PAPPA2: variants seen among roughly 807,000 people sequenced by gnomAD.
PAPPA2 encodes pappalysin-2.
PAPPA2 carries 86 observed loss-of-function variants against 176.4 expected under a neutral mutation model. The ratio of observed to expected loss-of-function variants is 0.49; its 90% CI spans 0.41 to 0.58. The LOEUF (loss-of-function observed/expected upper bound fraction) is 0.58, where lower values mean the gene tolerates loss of function less well. PAPPA2 is among the 20% of genes least tolerant of loss of function. The probability of loss-of-function intolerance (pLI) is 0.00; values close to 1 mark genes in which losing one functional copy is unlikely to be tolerated. For synonymous variants in PAPPA2, 809 were observed against 852.2 expected (o/e 0.95, Z 0.88); for missense variants, 2,073 against 2,256.9 (o/e 0.92, Z 1.65).
chr1:176,791,510 A>T, intron 19 of PAPPA2, 28 bp downstream of exon 19: 2 of 1,589,560 alleles, frequency 1.3e-6, no homozygotes, highest in Non-Finnish European at 8.6e-7. Flanking sequence ...TCTTAAAGTC[A>T]ATTTCTATGT....
chr1:176,750,529 C>G (rs956840437), intron 14 of PAPPA2, among the ~76,000 whole-genome samples: 1 of 152,078 alleles, frequency 6.6e-6, no homozygotes, highest in South Asian at 2.1e-4. Flanking sequence ...TGCTTGAACC[C>G]GGGATGCGGA....
rs201904045 is a variant in PAPPA2, at chr1:176,557,062, C to G, written c.740C>G (p.Ser247Cys). 3.7e-6 allele frequency: 6 copies of G among 1,612,960 alleles called. No homozygotes were observed. In the East Asian group the frequency reaches 1.3e-4, roughly 36 times the overall value. ...EESNQNGGEG[S>C]YREAETFNSQ... Reference sequence around the variant, plus strand: ...AGCAACCAAAATGGTGGAGAGGGCTCCTACCGAGAAGCAGAGACCTTTAAC... The same window carrying G: ...AGCAACCAAAATGGTGGAGAGGGCTGCTACCGAGAAGCAGAGACCTTTAAC... Residue 247 changes from serine (S) to cysteine (C), a missense_variant, in exon 2 of 23, where the codon TCC becomes TGC. Coordinates refer to ENST00000367662, the MANE Select transcript of PAPPA2 (RefSeq NM_020318.3).
Position 176,715,019 on chromosome 1 carries a change from C to T in PAPPA2, c.3798+3038C>T, listed in dbSNP as rs554439686. Among the ~76,000 whole-genome samples the T allele has an allele frequency of 2.2e-4, 33 of 152,176 alleles. 1 individual carries two copies. The South Asian group carries it at 6.7e-3, about 31-fold the overall frequency. ...AAATCTCATGGCCATCTCCCCAGAC[C>T]TCCTGACTAATCACTGCAATCTCAA... On this transcript the variant is annotated intron_variant, in intron 12 of 22. Transcript: ENST00000367662.
intron 12 of PAPPA2, among the ~76,000 whole-genome samples, chr1:176,724,845 T>A (rs1424449746): frequency 6.6e-6 from 1 of 152,244 alleles, no homozygotes; most frequent in African/African-American, 2.4e-5. Flanking sequence ...TTAATTCTCA[T>A]ACAAATTCTT....
At position 176,793,471 on chromosome 1, in the gene PAPPA2, C is replaced by T. The variant is rs1363945306; in HGVS notation, c.5021-89C>T. 2.0e-5 allele frequency: 23 copies of T among 1,133,446 alleles called. No homozygotes were observed. The East Asian group carries it at 5.6e-4, about 28-fold the overall frequency. The allele number at this position is 1,133,446 out of a possible 1,614,324, so 70.2% of individuals were successfully genotyped here. A position where few individuals can be genotyped will look rare whatever the true frequency, so the allele number is the denominator to read the frequency against. ...GTGACCCATGATGAAAGCAGTTGTTCTTTAAAAACTCAAAGCTATTGATTC... is the reference window on the plus strand; with the variant it reads ...GTGACCCATGATGAAAGCAGTTGTTTTTTAAAAACTCAAAGCTATTGATTC... On this transcript the variant is annotated intron_variant, in intron 19 of 22. Transcript: ENST00000367662.
intron 2 of PAPPA2, among the ~76,000 whole-genome samples, chr1:176,562,312 G>A (rs940139449): frequency 1.3e-5 from 2 of 152,146 alleles, no homozygotes; most frequent in Admixed American, 1.3e-4. Context: ...TCAAGGTGGA[G>A]GGTGTCATCC....
At chr1:176,758,954 A>G (rs1663565765) in intron 14 of PAPPA2, among the ~76,000 whole-genome samples, 1 of 152,190 alleles carries the variant, frequency 6.6e-6, no homozygotes, top group African/African-American at 2.4e-5. Flanking sequence ...TAATTTGCAG[A>G]TGGAAGGCCA....
intron 18 of PAPPA2, among the ~76,000 whole-genome samples, chr1:176,790,711 C>A (rs1349785940): frequency 6.6e-6 from 1 of 152,152 alleles, no homozygotes; most frequent in Non-Finnish European, 1.5e-5. Context: ...GAAGGGAGGG[C>A]TACCTACATT....
At chr1:176,533,570 A>T (rs1467021714) in intron 1 of PAPPA2, among the ~76,000 whole-genome samples, 2 of 152,170 alleles carry the variant, frequency 1.3e-5, no homozygotes, top group Non-Finnish European at 2.9e-5. Context: ...AGGCGTGAGG[A>T]TGTTTTGTAC....
intron 2 of PAPPA2, among the ~76,000 whole-genome samples, chr1:176,589,043 A>C (rs1229617025): frequency 6.6e-6 from 1 of 152,200 alleles, no homozygotes; most frequent in Non-Finnish European, 1.5e-5. Context: ...TCTTTTTGGC[A>C]TAAGCAGCAG....
intron 6 of PAPPA2, among the ~76,000 whole-genome samples, chr1:176,693,076 G>T (rs1660194162): frequency 6.6e-6 from 1 of 152,226 alleles, no homozygotes. Context: ...GTAGGAAAAT[G>T]AATGACATCT....
chr1:176,800,257 T>C, intron 21 of PAPPA2, 125 bp downstream of exon 21: 1 of 841,098 alleles, frequency 1.2e-6, no homozygotes, highest in South Asian at 2.2e-5. Context: ...GTTTAACTTC[T>C]TAAATTAAGT....
chr1:176,585,480 T>C (rs1443121573), intron 2 of PAPPA2, among the ~76,000 whole-genome samples: 1 of 152,178 alleles, frequency 6.6e-6, no homozygotes, highest in Non-Finnish European at 1.5e-5. Context: ...TTGGATTAAA[T>C]ATATTTGGAG....
intron 12 of PAPPA2, among the ~76,000 whole-genome samples, chr1:176,738,156 C>A (rs984125328): frequency 2.0e-5 from 3 of 152,096 alleles, no homozygotes; most frequent in Non-Finnish European, 4.4e-5. Context: ...GTCTAGCCCT[C>A]ATCCAGACAG....
At chr1:176,752,719 G>T (rs1663240511) in intron 14 of PAPPA2, among the ~76,000 whole-genome samples, 1 of 152,170 alleles carries the variant, frequency 6.6e-6, no homozygotes, top group South Asian at 2.1e-4. Flanking sequence ...TCAACAATTA[G>T]TCATCCAAAT....
At chr1:176,668,798 A>G (rs1480282844) in intron 3 of PAPPA2, among the ~76,000 whole-genome samples, 15 of 152,156 alleles carry the variant, frequency 9.9e-5, no homozygotes, top group Admixed American at 9.8e-4. Flanking sequence ...ATACTTGACG[A>G]CATATATCTG....
chr1:176,622,455 C>T (rs989781605), intron 3 of PAPPA2, among the ~76,000 whole-genome samples: 1 of 152,150 alleles, frequency 6.6e-6, no homozygotes, highest in African/African-American at 2.4e-5. Context: ...AATATAAAAA[C>T]TGTGATCTAA....
intron 21 of PAPPA2, among the ~76,000 whole-genome samples, chr1:176,829,893 A>T (rs12131721): frequency 1.3e-5 from 2 of 152,312 alleles, no homozygotes; most frequent in Non-Finnish European, 2.9e-5. Flanking sequence ...ACTGGGCAGG[A>T]TGCCTGCAGT....
chr1:176,552,662 T>C (rs1186739100), intron 1 of PAPPA2, among the ~76,000 whole-genome samples: 1 of 152,096 alleles, frequency 6.6e-6, no homozygotes, highest in Non-Finnish European at 1.5e-5. Context: ...GAAATGATAT[T>C]CCTCCCCCAA....
Sources: gnomAD v4.1 joint callset for allele counts (sites outside exome capture counted in the v4.1 genomes callset) on GRCh38, gnomAD v4.1.1 for gene constraint, MANE v1.5 for transcripts, NCBI Gene and HGNC (gene_info 2026-07-23, HGNC 2026-07-21) for gene names.